SGCZ: variants seen among roughly 807,000 people sequenced by gnomAD.
SGCZ encodes the protein sarcoglycan zeta.
A neutral mutation model predicts 41.3 loss-of-function variants in SGCZ; 40 were observed. That is an observed-to-expected ratio of 0.97 (90% CI 0.75 to 1.26). The LOEUF (loss-of-function observed/expected upper bound fraction) is 1.26. SGCZ is among the 50% of genes most tolerant of loss of function. The pLI is 0.00. For missense variants in SGCZ, 552 were observed against 369.8 expected, an observed-to-expected ratio of 1.49 and a Z score of -4.04; for synonymous variants, 206 against 137.5, an observed-to-expected ratio of 1.50 and a Z score of -3.49.
rs140731121 is a variant in SGCZ, at chr8:15,109,389, T to C, written c.39+128196A>G. On this transcript the variant is annotated intron_variant, in intron 1 of 7. Coordinates refer to ENST00000382080, the MANE Select transcript of SGCZ (RefSeq NM_139167.4). ...AAATTTGAGAAGGAATGTTGGCCAA[T>C]TGAGTACTTATTTCAAGTATAGCTG... 1.9e-3 allele frequency among the ~76,000 whole-genome samples: 293 copies of C among 152,228 alleles called. 2 individuals are homozygous for C. Among genetic ancestry groups the C allele is most frequent in the African/African-American group, 6.6e-3 (274 of 41,546 alleles).
At chr8:14,977,735 T>A (rs1216460475) in intron 1 of SGCZ, among the ~76,000 whole-genome samples, 1 of 152,148 alleles carries the variant, frequency 6.6e-6, no homozygotes, top group African/African-American at 2.4e-5. Context: ...TCCCTACATA[T>A]TTTTTATTGT....
chr8:14,205,040 A>G (rs1197898893), intron 4 of SGCZ, among the ~76,000 whole-genome samples: 1 of 152,146 alleles, frequency 6.6e-6, no homozygotes, highest in Non-Finnish European at 1.5e-5. Context: ...TTTATTATCT[A>G]TCTATGCATC....
At chr8:14,541,727 A>G (rs1400734749) in intron 2 of SGCZ, among the ~76,000 whole-genome samples, 2 of 152,124 alleles carry the variant, frequency 1.3e-5, no homozygotes. Context: ...ACAATGGTTG[A>G]ACTAATTTAC....
intron 1 of SGCZ, among the ~76,000 whole-genome samples, chr8:15,144,409 T>C (rs1394110387): frequency 1.3e-5 from 2 of 152,216 alleles, no homozygotes; most frequent in Non-Finnish European, 2.9e-5. Flanking sequence ...AATGAAGGCT[T>C]TTCATGCAAC....
intron 2 of SGCZ, among the ~76,000 whole-genome samples, chr8:14,495,780 T>G: frequency 2.7e-5 from 1 of 37,098 alleles, no homozygotes; most frequent in South Asian, 5.6e-4. Flanking sequence ...TAGATAAACG[T>G]TTTTTTGAAA....
At position 14,313,374 on chromosome 8, in the gene SGCZ, C is replaced by T. The variant is rs553442938; in HGVS notation, c.336+10729G>A. Among the ~76,000 whole-genome samples the T allele has an allele frequency of 1.6e-4, 24 of 152,284 alleles. No individual in the cohort carries two copies. In the East Asian group the frequency reaches 4.2e-3, roughly 27 times the overall value. Reference sequence around the variant, plus strand: ...GCTCTCCCAGGCTGGATCACAGTTGCGCCATCTCGGCTCACTGCATCCTCC... The same window carrying T: ...GCTCTCCCAGGCTGGATCACAGTTGTGCCATCTCGGCTCACTGCATCCTCC... On this transcript the variant is annotated intron_variant, in intron 3 of 7. Transcript: ENST00000382080.
intron 3 of SGCZ, among the ~76,000 whole-genome samples, chr8:14,260,790 C>G (rs1303829443): frequency 6.6e-6 from 1 of 152,194 alleles, no homozygotes; most frequent in East Asian, 1.9e-4. Context: ...AGTTCATGTC[C>G]TTTGTAGGGA....
At chr8:15,024,487 C>G (rs1441674689) in intron 1 of SGCZ, among the ~76,000 whole-genome samples, 1 of 152,060 alleles carries the variant, frequency 6.6e-6, no homozygotes, top group Non-Finnish European at 1.5e-5. Context: ...GAGTTATACT[C>G]TCGAAATTGA....
chr8:15,036,549 AC>A (rs1803884417), intron 1 of SGCZ, among the ~76,000 whole-genome samples: 1 of 152,136 alleles, frequency 6.6e-6, no homozygotes, highest in South Asian at 2.1e-4. Flanking sequence ...CTACACGTGT[AC>A]CCCGAACTTA....
chr8:15,206,363 T>C (rs1237240223), intron 1 of SGCZ, among the ~76,000 whole-genome samples: 1 of 151,540 alleles, frequency 6.6e-6, no homozygotes, highest in East Asian at 1.9e-4. Context: ...TTCTTGAGAG[T>C]AGTGACTTAC....
At position 14,090,619 on chromosome 8, in the gene SGCZ, T is replaced by C; in HGVS notation, c.763A>G (p.Thr255Ala). Residue 255 changes from threonine (T) to alanine (A), a missense_variant, in exon 8 of 8, where the codon ACA (threonine) becomes GCA (alanine). Thr to Ala is a moderately conservative substitution (Grantham distance 58, BLOSUM62 0). Transcript: ENST00000382080. ...TEGEIFLNAE[T>A]IKLGNLPTGS... ...GTTGGTAGATTTCCCAGCTTGATTG[T>C]CTCTGCATTTAAAAATATCTATGGG... 1.2e-6 allele frequency: 2 copies of C among 1,608,960 alleles called. No homozygotes were observed. Among genetic ancestry groups the C allele is most frequent in the Non-Finnish European group, 1.7e-6 (2 of 1,178,522 alleles).
chr8:14,608,391 A>AG (rs1805820698), intron 1 of SGCZ, among the ~76,000 whole-genome samples: 1 of 151,928 alleles, frequency 6.6e-6, no homozygotes, highest in South Asian at 2.1e-4. Flanking sequence ...TGGTACCAGC[A>AG]TATGCTCAGC....
intron 1 of SGCZ, among the ~76,000 whole-genome samples, chr8:14,759,245 A>G (rs1162486406): frequency 1.3e-5 from 2 of 152,176 alleles, no homozygotes; most frequent in East Asian, 3.9e-4. Context: ...GGAAGATTTC[A>G]TACCAGAGAA....
chr8:14,725,687 T>A (rs2130206972), intron 1 of SGCZ, among the ~76,000 whole-genome samples: 1 of 152,302 alleles, frequency 6.6e-6, no homozygotes, highest in East Asian at 1.9e-4. Context: ...AAAAGTGAAC[T>A]TAATTTTGGA....
chr8:14,172,641 T>A (rs973510370), intron 4 of SGCZ, among the ~76,000 whole-genome samples: 3 of 152,112 alleles, frequency 2.0e-5, no homozygotes, highest in African/African-American at 7.2e-5. Flanking sequence ...GGCAAAGAAA[T>A]ACAACGTGTA....
intron 1 of SGCZ, among the ~76,000 whole-genome samples, chr8:15,146,081 G>A (rs1326598345): frequency 6.6e-6 from 1 of 151,768 alleles, no homozygotes; most frequent in Non-Finnish European, 1.5e-5. Context: ...GGCTAAAAAA[G>A]AAGAAATGAT....
intron 1 of SGCZ, among the ~76,000 whole-genome samples, chr8:14,590,664 T>C (rs1400364068): frequency 6.7e-6 from 1 of 149,640 alleles, no homozygotes; most frequent in Non-Finnish European, 1.5e-5. Context: ...AGTTGTATAT[T>C]CTCTTTGTAG....
intron 1 of SGCZ, among the ~76,000 whole-genome samples, chr8:14,714,330 T>TA (rs574991357): frequency 1.3e-5 from 2 of 152,190 alleles, no homozygotes; most frequent in Middle Eastern, 3.4e-3. Flanking sequence ...TTATAGAAGT[T>TA]AAAAAAAGTA....
At position 14,426,483 on chromosome 8, in the gene SGCZ, A is replaced by C. The variant is rs544323058; in HGVS notation, c.235-102279T>G. ...GCCACTAGAGAAGAAGCAGAGAGGC[A>C]GAGAACTAGAGCAAGCAGAAAACAC... On this transcript the variant is annotated intron_variant, in intron 2 of 7. Transcript: ENST00000382080. Among the ~76,000 whole-genome samples the C allele has an allele frequency of 5.3e-5, 8 of 151,934 alleles. No homozygotes were observed. In the South Asian group the frequency reaches 1.7e-3, roughly 31 times the overall value.
Sources: allele counts gnomAD v4.1 joint callset (sites outside exome capture counted in the v4.1 genomes callset), GRCh38; gene constraint gnomAD v4.1.1; transcripts MANE v1.5; gene names NCBI Gene and HGNC (gene_info 2026-07-23, HGNC 2026-07-21).